The following ANKAR variants were observed in gnomAD, a reference collection of about 807,000 sequenced individuals.
ANKAR encodes the protein ankyrin and armadillo repeat-containing protein.
ANKAR carries 136 observed loss-of-function variants against 146.2 expected under a neutral mutation model. That is an observed-to-expected ratio of 0.93 (90% CI 0.81 to 1.07). The LOEUF (loss-of-function observed/expected upper bound fraction) is 1.07. Among genes scored for constraint, ANKAR ranks in the 50% least tolerant of loss-of-function variants. The pLI is 0.00. For synonymous variants in ANKAR, 500 were observed against 575.8 expected, an observed-to-expected ratio of 0.87 and a Z score of 1.88; for missense variants, 1,567 against 1,679.9, an observed-to-expected ratio of 0.93 and a Z score of 1.18.
At chr2:189,683,494 A>T (rs2035064633) in intron 2 of ANKAR, among the ~76,000 whole-genome samples, 1 of 152,204 alleles carries the variant, frequency 6.6e-6, no homozygotes, top group South Asian at 2.1e-4. Flanking sequence ...ACTACAGTTT[A>T]AAAATGTGGT....
intron 6 of ANKAR, among the ~76,000 whole-genome samples, chr2:189,695,910 A>G (rs2037127486): frequency 6.6e-6 from 1 of 152,100 alleles, no homozygotes; most frequent in African/African-American, 2.4e-5. Context: ...AAAATATTTT[A>G]GAAAAAAATT....
downstream of ANKAR, among the ~76,000 whole-genome samples, chr2:189,747,532 AGT>A (rs1232379736): frequency 6.6e-6 from 1 of 152,124 alleles, no homozygotes; most frequent in Non-Finnish European, 1.5e-5. Flanking sequence ...CCATATTTAT[AGT>A]GTCTTTGGTT....
downstream of ANKAR, chr2:189,761,665 A>G (rs1281628246): frequency 6.6e-7 from 1 of 1,513,472 alleles, no homozygotes; most frequent in Non-Finnish European, 8.8e-7. Context: ...TAATTCCTGA[A>G]AAAGAATTAC....
At chr2:189,706,384 TCAACAACAA>T (rs529179927) in intron 8 of ANKAR, among the ~76,000 whole-genome samples, 92 of 151,212 alleles carry the variant, frequency 6.1e-4, no homozygotes, top group African/African-American at 2.0e-3. Flanking sequence ...AGACTCCATC[TCAACAACAA>T]CAACAACAAC....
At chr2:189,684,783 A>T (rs2035278095) in intron 2 of ANKAR, among the ~76,000 whole-genome samples, 1 of 149,440 alleles carries the variant, frequency 6.7e-6, no homozygotes, top group Non-Finnish European at 1.5e-5. Flanking sequence ...GCCGTGAGCC[A>T]AGATCATACC....
intron 18 of ANKAR, among the ~76,000 whole-genome samples, chr2:189,759,496 T>C (rs1225112): frequency 0.98 from 149,449 of 152,272 alleles, 73,399 homozygotes; most frequent in South Asian, 1. Flanking sequence ...ATGGTCCACT[T>C]GCCTCGGCCT....
At chr2:189,704,441 A>G (rs1450755131) in intron 7 of ANKAR, among the ~76,000 whole-genome samples, 2 of 150,562 alleles carry the variant, frequency 1.3e-5, no homozygotes, top group Non-Finnish European at 3.0e-5. Context: ...CACTGCGCCC[A>G]GCCCATTTTT....
chr2:189,740,796 C>T (rs1293838014), intron 19 of ANKAR, among the ~76,000 whole-genome samples: 4 of 152,002 alleles, frequency 2.6e-5, no homozygotes, highest in African/African-American at 4.8e-5. Flanking sequence ...CAGGTACAAG[C>T]GATTCTCCTG....
intron 21 of ANKAR, 115 bp from the exon 22 acceptor site, chr2:189,744,627 T>G (rs974080430): frequency 9.5e-6 from 6 of 634,762 alleles, no homozygotes; most frequent in African/African-American, 7.4e-5. Context: ...CATGTATGAA[T>G]TAGGCCATTA....
At chr2:189,692,228 A>G in intron 3 of ANKAR, 27 bp from the exon 4 acceptor site, 1 of 1,574,266 alleles carries the variant, frequency 6.4e-7, no homozygotes, top group East Asian at 2.3e-5. Flanking sequence ...TCACTTTTTA[A>G]ATAAAAATTT....
chr2:189,754,375 T>A, intron 18 of ANKAR: 1 of 1,543,954 alleles, frequency 6.5e-7, no homozygotes. Flanking sequence ...TTTAGAGTCA[T>A]AAAATTAAAT....
intron 5 of ANKAR, 72 bp from the exon 6 acceptor site, chr2:189,694,909 C>T (rs2105558625): frequency 3.0e-6 from 3 of 1,006,162 alleles, no homozygotes; most frequent in Non-Finnish European, 4.0e-6. Flanking sequence ...AAAAGTTTTG[C>T]CAGCATAGAA....
intron 2 of ANKAR, among the ~76,000 whole-genome samples, chr2:189,678,085 A>T (rs2034032500): frequency 1.3e-5 from 2 of 152,120 alleles, no homozygotes; most frequent in Admixed American, 1.3e-4. Flanking sequence ...CCTTTTCACC[A>T]CATCCATGCC....
At chr2:189,719,356 A>G (rs1574605468) in intron 10 of ANKAR, among the ~76,000 whole-genome samples, 2 of 152,320 alleles carry the variant, frequency 1.3e-5, no homozygotes, top group African/African-American at 4.8e-5. Context: ...TGAAAATCAA[A>G]TGTATGAACA....
chr2:189,754,369 G>A, intron 18 of ANKAR: 1 of 1,565,630 alleles, frequency 6.4e-7, no homozygotes, highest in South Asian at 1.2e-5. Context: ...ATATTTTTTA[G>A]AGTCATAAAA....
In ANKAR at chr2:189,728,782, C is replaced by T; in HGVS notation, c.3154C>T (p.Leu1052Phe). Residue 1052 changes from leucine (L) to phenylalanine (F), a missense_variant, in exon 15 of 23, where the codon CTT becomes TTT. Coordinates refer to ENST00000684021, the MANE Select transcript of ANKAR (RefSeq NM_001378068.1). ...LRISTIAEGT[L>F]LSVIRAVGSI... is the part of the protein sequence containing the mutation. ...AATTAGTACGATTGCTGAAGGCACA[C>T]TTCTCAGTGTCATCAGAGCAGTGGG... is the stretch of plus-strand genomic sequence containing the variant. The T allele has an allele frequency of 3.7e-6, 6 of 1,614,040 alleles. No homozygotes were observed. Among genetic ancestry groups the T allele is most frequent in the Non-Finnish European group, 5.1e-6 (6 of 1,179,914 alleles).
intron 18 of ANKAR, chr2:189,752,858 A>G (rs2045492013): frequency 6.2e-7 from 1 of 1,613,662 alleles, no homozygotes; most frequent in African/African-American, 1.3e-5. Context: ...CCATGCAATC[A>G]TAATGCCATT....
At chr2:189,728,442 ATTTTT>A (rs3067424) in intron 14 of ANKAR, 22 bp downstream of exon 14, 324,290 of 1,575,246 alleles carry the variant, frequency 0.21, 36,491 homozygotes, top group African/African-American at 0.45. Context: ...TCCTTATTTT[ATTTTT>A]ATTTTTTAGA....
In ANKAR at chr2:189,692,401, G is replaced by T. The variant is rs1311401582; in HGVS notation, c.1186G>T (p.Ala396Ser). The change falls in exon 4 of 23, where the codon GCC becomes TCC. Residue 396 changes from alanine to serine, a missense_variant. Transcript: ENST00000684021. ...FDISTPSIEN[A>S]LEDFQKNLEK... is the part of the protein sequence containing the mutation. ...TATCAGCACCCCTTCAATTGAGAATGCCTTGGAAGATTTTCAGGTTTAAAT... is the reference window on the plus strand; with the variant it reads ...TATCAGCACCCCTTCAATTGAGAATTCCTTGGAAGATTTTCAGGTTTAAAT... 1.2e-6 allele frequency: 2 copies of T among 1,610,606 alleles called. No individual in the cohort carries two copies. The highest frequency in any genetic ancestry group is 1.7e-6 in the Non-Finnish European group (2 of 1,179,076).
Sources: allele counts gnomAD v4.1 joint callset (sites outside exome capture counted in the v4.1 genomes callset), GRCh38; gene constraint gnomAD v4.1.1; transcripts MANE v1.5; gene names NCBI Gene and HGNC (gene_info 2026-07-23, HGNC 2026-07-21).